ST8SIA6: variants seen among roughly 807,000 people sequenced by gnomAD.
ST8SIA6 encodes ST8 alpha-N-acetyl-neuraminide alpha-2,8-sialyltransferase 6.
In ST8SIA6, 39 loss-of-function variants were observed where a neutral mutation model predicts 33.6. The ratio of observed to expected loss-of-function variants is 1.16; its 90% CI spans 0.90 to 1.52. The LOEUF is 1.52. ST8SIA6 is among the 40% of genes most tolerant of loss of function. ST8SIA6 has a pLI of 0.00. For missense variants in ST8SIA6, 441 were observed against 443.8 expected (o/e 0.99, Z 0.06); for synonymous variants, 172 against 167.2 (o/e 1.03, Z -0.22).
At chr10:17,422,424 T>C (rs952789828) in intron 2 of ST8SIA6, among the ~76,000 whole-genome samples, 1 of 152,166 alleles carries the variant, frequency 6.6e-6, no homozygotes, top group African/African-American at 2.4e-5. Flanking sequence ...AGACAAAATT[T>C]ATATATCCTT....
At chr10:17,334,486 C>T (rs1002261892) in intron 4 of ST8SIA6, among the ~76,000 whole-genome samples, 2 of 151,032 alleles carry the variant, frequency 1.3e-5, no homozygotes, top group African/African-American at 4.9e-5. Flanking sequence ...TTGCAGTGAG[C>T]CGCAGTAGCG....
intron 4 of ST8SIA6, among the ~76,000 whole-genome samples, chr10:17,358,477 G>A (rs1375364054): frequency 6.6e-6 from 1 of 152,060 alleles, no homozygotes; most frequent in Non-Finnish European, 1.5e-5. Context: ...AAAATAATGA[G>A]TAAAGATAAA....
At chr10:17,440,390 G>A (rs1588928580) in intron 2 of ST8SIA6, among the ~76,000 whole-genome samples, 1 of 151,952 alleles carries the variant, frequency 6.6e-6, no homozygotes, top group East Asian at 1.9e-4. Flanking sequence ...ATTTTTAGTA[G>A]AGACGAGGTT....
intron 2 of ST8SIA6, among the ~76,000 whole-genome samples, chr10:17,394,325 T>A (rs1316983064): frequency 6.6e-6 from 1 of 151,566 alleles, no homozygotes; most frequent in East Asian, 1.9e-4. Flanking sequence ...ACTCTCTGAC[T>A]TTAGCTCTTG....
chr10:17,449,546 T>C (rs1037604275), intron 2 of ST8SIA6, among the ~76,000 whole-genome samples: 8 of 152,224 alleles, frequency 5.3e-5, no homozygotes, highest in South Asian at 2.1e-4. Flanking sequence ...TAATCCACTT[T>C]AGACAAGTAA....
At chr10:17,335,061 C>A (rs918022598) in intron 4 of ST8SIA6, among the ~76,000 whole-genome samples, 3 of 152,192 alleles carry the variant, frequency 2.0e-5, no homozygotes, top group Non-Finnish European at 2.9e-5. Context: ...ACTTCACGTA[C>A]TTGAAAATGG....
intron 4 of ST8SIA6, among the ~76,000 whole-genome samples, chr10:17,358,504 G>GTA (rs1849268091): frequency 6.6e-6 from 1 of 152,168 alleles, no homozygotes; most frequent in Non-Finnish European, 1.5e-5. Context: ...TCTCTGGATT[G>GTA]TAATAGGATA....
At chr10:17,357,327 G>A (rs564142473) in intron 4 of ST8SIA6, among the ~76,000 whole-genome samples, 3 of 150,790 alleles carry the variant, frequency 2.0e-5, no homozygotes, top group East Asian at 3.9e-4. Flanking sequence ...TAGTAGAGAC[G>A]GGGTTCCACC....
At chr10:17,340,877 C>A (rs1848650050) in intron 4 of ST8SIA6, among the ~76,000 whole-genome samples, 1 of 152,132 alleles carries the variant, frequency 6.6e-6, no homozygotes, top group South Asian at 2.1e-4. Flanking sequence ...AGAAGACTTA[C>A]CCCCTGCACC....
intron 3 of ST8SIA6, among the ~76,000 whole-genome samples, chr10:17,383,303 C>T (rs1399430063): frequency 2.0e-5 from 3 of 151,612 alleles, no homozygotes; most frequent in African/African-American, 7.3e-5. Context: ...CATTAGGTTC[C>T]CTAAAGTCCA....
At chr10:17,363,493 A>G (rs1024466637) in intron 3 of ST8SIA6, among the ~76,000 whole-genome samples, 12 of 152,202 alleles carry the variant, frequency 7.9e-5, no homozygotes, top group Admixed American at 2.0e-4. Context: ...AAAGAATACA[A>G]TAAATCCCTC....
At chr10:17,328,576 G>A (rs1026325828) in intron 5 of ST8SIA6, among the ~76,000 whole-genome samples, 5 of 152,152 alleles carry the variant, frequency 3.3e-5, no homozygotes, top group Admixed American at 3.3e-4. Context: ...TTGTCTGTAG[G>A]ATTAAGGTGT....
At chr10:17,347,953 C>CA (rs55996465) in intron 4 of ST8SIA6, among the ~76,000 whole-genome samples, 11,212 of 68,216 alleles carry the variant, frequency 0.16, 892 homozygotes, top group African/African-American at 0.2. Context: ...GACTCTGTCT[C>CA]AAAAAAAAAA....
At chr10:17,345,408 G>A (rs563899148) in intron 4 of ST8SIA6, among the ~76,000 whole-genome samples, 1 of 152,298 alleles carries the variant, frequency 6.6e-6, no homozygotes, top group South Asian at 2.1e-4. Context: ...AGAGCACGTT[G>A]GAAGGTACCT....
chr10:17,320,776 C>T lies in ST8SIA6; in HGVS notation c.*102G>A, dbSNP rs188212862. 7.9e-7 allele frequency: 1 copy of T among 1,269,848 alleles called. No homozygotes were observed. Among genetic ancestry groups the T allele is most frequent in the South Asian group, 1.5e-5 (1 of 67,236 alleles). 78.7% of individuals were successfully genotyped at this position (1,269,848 alleles called of 1,614,324 possible). ...GCTTTGGTCAAACCAAATTTTGGGG[C>T]TCATCTCAAAATACTCTTTAGCCAC... On this transcript the variant is annotated 3_prime_UTR_variant, in exon 8 of 8. Transcript: ENST00000377602.
At chr10:17,334,429 G>C (rs113567944) in intron 4 of ST8SIA6, among the ~76,000 whole-genome samples, 3,928 of 151,614 alleles carry the variant, frequency 0.026, 70 homozygotes, top group African/African-American at 0.047. Context: ...GTCCCAGCTA[G>C]TTGGGAGGCT....
intron 3 of ST8SIA6, among the ~76,000 whole-genome samples, chr10:17,376,842 G>GA (rs990683947): frequency 3.7e-4 from 56 of 151,662 alleles, no homozygotes; most frequent in African/African-American, 1.3e-3. Flanking sequence ...GGATGGGGTA[G>GA]AAAAAAAACA....
At chr10:17,323,225 G>GCT in intron 6 of ST8SIA6, 68 bp from the exon 7 acceptor site, 1 of 834,150 alleles carries the variant, frequency 1.2e-6, no homozygotes. Flanking sequence ...ACACACATAT[G>GCT]CGCGCACACA....
At position 17,386,267 on chromosome 10, in the gene ST8SIA6, AGATCACAAGGTCAGGAGTTC is replaced by A. The variant is rs1222607278; in HGVS notation, c.290+4244_290+4263del. 4.1e-4 allele frequency among the ~76,000 whole-genome samples: 62 copies of A among 152,026 alleles called. 1 individual carries two copies. The South Asian group carries it at 9.9e-3, about 24-fold the overall frequency. The stretch of plus-strand genomic sequence containing the variant: ...AGCACTTTGGGAGGCTGAGTCGGGC[AGATCACAAGGTCAGGAGTTC>A]GATCACAAGGTCAGGAGCTCGATCA... On this transcript the variant is annotated intron_variant, in intron 3 of 7. Coordinates refer to ENST00000377602, the MANE Select transcript of ST8SIA6 (RefSeq NM_001004470.3).
Sources: gnomAD v4.1 joint callset for allele counts (sites outside exome capture counted in the v4.1 genomes callset) on GRCh38, gnomAD v4.1.1 for gene constraint, MANE v1.5 for transcripts, NCBI Gene and HGNC (gene_info 2026-07-23, HGNC 2026-07-21) for gene names.